WNT2: variants seen among roughly 807,000 people sequenced by gnomAD.
WNT2 encodes protein Wnt-2.
WNT2 carries 12 observed loss-of-function variants against 36.9 expected under a neutral mutation model. The observed-to-expected ratio is 0.33, with a 90% CI of 0.21 to 0.53. The LOEUF (loss-of-function observed/expected upper bound fraction) is 0.53. Among genes scored for constraint, WNT2 ranks in the 20% least tolerant of loss-of-function variants. The pLI is 0.95. For synonymous variants in WNT2, 163 were observed against 174.6 expected, an observed-to-expected ratio of 0.93 and a Z score of 0.52; for missense variants, 379 against 473.1, an observed-to-expected ratio of 0.80 and a Z score of 1.84.
chr7:117,285,149 A>G (rs1794557762), intron 4 of WNT2, among the ~76,000 whole-genome samples: 1 of 152,232 alleles, frequency 6.6e-6, no homozygotes, highest in Admixed American at 6.5e-5. Flanking sequence ...TCTTCAGCTC[A>G]TGATATGCTG....
chr7:117,288,059 G>A (rs1306762510), intron 4 of WNT2, among the ~76,000 whole-genome samples: 5 of 152,072 alleles, frequency 3.3e-5, no homozygotes, highest in African/African-American at 1.2e-4. Context: ...CCAGGGACTG[G>A]TCACCCAGTC....
At chr7:117,282,622 G>A (rs1311268192) in intron 4 of WNT2, among the ~76,000 whole-genome samples, 1 of 152,230 alleles carries the variant, frequency 6.6e-6, no homozygotes, top group African/African-American at 2.4e-5. Context: ...TCAAAGGGGA[G>A]AGTGTCAGGA....
rs965454662 is a variant in WNT2 at position 117,320,898 on chromosome 7, T to C, written c.84-105A>G. On this transcript the variant is annotated intron_variant, in intron 1 of 4. Transcript: ENST00000265441. Reference sequence around the variant, plus strand: ...GTTCAAAGCACTTTTCAAATATGAATTCCTTATCCTTCTGGTGATATTAGA... The same window carrying C: ...GTTCAAAGCACTTTTCAAATATGAACTCCTTATCCTTCTGGTGATATTAGA... The C allele has an allele frequency of 4.2e-6, 4 of 946,280 alleles. No homozygotes were observed. The South Asian group carries it at 4.6e-5, about 11-fold the overall frequency. The allele number at this position is 946,280 out of a possible 1,614,324, so 58.6% of individuals were successfully genotyped here.
chr7:117,308,603 A>G (rs889187016), intron 3 of WNT2, among the ~76,000 whole-genome samples: 25 of 152,224 alleles, frequency 1.6e-4, no homozygotes, highest in African/African-American at 6.0e-4. Context: ...ACTTTTAAAA[A>G]TGCTTTTCAT....
rs540916790 is a variant in WNT2 at position 117,276,022 on chromosome 7, T to C, written c.*2133A>G. ...TAAAATTATTTAAAATCCACTGAGT[T>C]AATTCTGGGAGAAGCTAGTTTCATT... On this transcript the variant is annotated 3_prime_UTR_variant, in exon 5 of 5. Transcript: ENST00000265441. 6.6e-6 allele frequency among the ~76,000 whole-genome samples: 1 copy of C among 152,350 alleles called. No homozygotes were observed. Among genetic ancestry groups the C allele is most frequent in the South Asian group, 2.1e-4 (1 of 4,826 alleles).
At chr7:117,278,815 C>G (rs574017966) in intron 4 of WNT2, among the ~76,000 whole-genome samples, 20 of 152,214 alleles carry the variant, frequency 1.3e-4, no homozygotes, top group Non-Finnish European at 2.4e-4. Context: ...AAGGTTAGCT[C>G]TCTTCAAATT....
At chr7:117,288,848 CAG>C (rs1794633240) in intron 4 of WNT2, among the ~76,000 whole-genome samples, 1 of 151,802 alleles carries the variant, frequency 6.6e-6, no homozygotes, top group Non-Finnish European at 1.5e-5. Flanking sequence ...AAAAATAACA[CAG>C]ATTTATAGAT....
At chr7:117,289,338 G>A (rs1174148192) in intron 4 of WNT2, among the ~76,000 whole-genome samples, 4 of 152,084 alleles carry the variant, frequency 2.6e-5, no homozygotes, top group Admixed American at 6.5e-5. Flanking sequence ...TATTACAGGC[G>A]TGAGCCACTG....
At chr7:117,286,240 G>A (rs1272679897) in intron 4 of WNT2, among the ~76,000 whole-genome samples, 3 of 152,302 alleles carry the variant, frequency 2.0e-5, no homozygotes, top group Admixed American at 1.3e-4. Context: ...CATTTCTAGA[G>A]CTATAAAATT....
chr7:117,315,414 C>A (rs1315777189), intron 2 of WNT2, 66 bp from the exon 3 acceptor site: 2 of 1,488,422 alleles, frequency 1.3e-6, no homozygotes, highest in African/African-American at 1.4e-5. Context: ...TTTCATATGA[C>A]AATTGTTTAA....
chr7:117,295,287 A>T (rs977992896), intron 4 of WNT2, among the ~76,000 whole-genome samples: 1 of 152,118 alleles, frequency 6.6e-6, no homozygotes, highest in Non-Finnish European at 1.5e-5. Flanking sequence ...TAACATACTC[A>T]CCTTATAGAC....
chr7:117,323,045 C>G lies in WNT2; in HGVS notation c.-56G>C, dbSNP rs1795360434. 1.2e-5 allele frequency: 18 copies of G among 1,510,112 alleles called. No homozygotes were observed. Among genetic ancestry groups the G allele is most frequent in the South Asian group, 7.4e-5 (6 of 81,378 alleles). 93.5% of individuals were successfully genotyped at this position (1,510,112 alleles called of 1,614,324 possible). On this transcript the variant is annotated 5_prime_UTR_variant, in exon 1 of 5. Coordinates refer to ENST00000265441, the MANE Select transcript of WNT2 (RefSeq NM_003391.3). Reference sequence around the variant, plus strand: ...ACTCCGTGTGCGGGCGCCATGCGTGCCCAGAGCAGAAGCGCTCAGCTCCGG... The same window carrying G: ...ACTCCGTGTGCGGGCGCCATGCGTGGCCAGAGCAGAAGCGCTCAGCTCCGG...
chr7:117,316,113 G>T (rs959516870), intron 2 of WNT2, among the ~76,000 whole-genome samples: 4 of 152,136 alleles, frequency 2.6e-5, no homozygotes, highest in Non-Finnish European at 4.4e-5. Context: ...TTTTTCTTTG[G>T]TTTTTCTGGA....
At chr7:117,315,844 A>T (rs889361102) in intron 2 of WNT2, among the ~76,000 whole-genome samples, 24 of 152,234 alleles carry the variant, frequency 1.6e-4, no homozygotes, top group African/African-American at 5.5e-4. Context: ...ATATGCACTT[A>T]AATTATTGAG....
intron 4 of WNT2, among the ~76,000 whole-genome samples, chr7:117,280,806 G>A (rs1175928729): frequency 2.0e-5 from 3 of 152,222 alleles, no homozygotes; most frequent in Non-Finnish European, 4.4e-5. Context: ...CATAAAATAA[G>A]TGCTCAATAA....
chr7:117,283,770 G>A (rs1330246410), intron 4 of WNT2, among the ~76,000 whole-genome samples: 1 of 152,220 alleles, frequency 6.6e-6, no homozygotes, highest in African/African-American at 2.4e-5. Flanking sequence ...CTGGCAATAT[G>A]TCTCAGTAGT....
intron 4 of WNT2, among the ~76,000 whole-genome samples, chr7:117,283,588 A>G (rs1794533329): frequency 6.6e-6 from 1 of 152,180 alleles, no homozygotes; most frequent in Non-Finnish European, 1.5e-5. Flanking sequence ...TGTAATGGTC[A>G]TGGTGTCTTT....
Position 117,297,608 on chromosome 7 carries a change from T to G in WNT2, c.853+4A>C, listed in dbSNP as rs770134979. On this transcript the variant is annotated splice_donor_region_variant and intron_variant, in intron 4 of 4. Transcript: ENST00000265441. ...GTACTATAAAGAAAGTCTTTTGAAC[T>G]TACCTGCCTCTCGGTCCCTGATACA... 8.7e-6 allele frequency: 14 copies of G among 1,602,204 alleles called. No individual in the cohort carries two copies. In the East Asian group the frequency reaches 2.7e-4, roughly 31 times the overall value.
At chr7:117,298,191 T>A (rs1411267003) in intron 3 of WNT2, among the ~76,000 whole-genome samples, 1 of 152,180 alleles carries the variant, frequency 6.6e-6, no homozygotes, top group Non-Finnish European at 1.5e-5. Context: ...ATTGAATTAT[T>A]TTCTAAATAA....
Sources: gnomAD v4.1 joint callset for allele counts (sites outside exome capture counted in the v4.1 genomes callset) on GRCh38, gnomAD v4.1.1 for gene constraint, MANE v1.5 for transcripts, NCBI Gene and HGNC (gene_info 2026-07-23, HGNC 2026-07-21) for gene names.